PLCXD3: variants seen among roughly 807,000 people sequenced by gnomAD.
The protein encoded by PLCXD3 is PI-PLC X domain-containing protein 3.
Under a neutral mutation model 25.5 loss-of-function variants are expected in PLCXD3, and 19 were observed. That is an observed-to-expected ratio of 0.75 (90% confidence interval 0.52 to 1.09). The LOEUF (loss-of-function observed/expected upper bound fraction) is 1.09. Ranked by LOEUF, PLCXD3 falls within the 50% of genes least tolerant of loss-of-function variation. PLCXD3 has a pLI of 0.00. For missense variants in PLCXD3, 411 were observed against 388.1 expected, an observed-to-expected ratio of 1.06 and a Z score of -0.50; for synonymous variants, 174 against 137.6, an observed-to-expected ratio of 1.26 and a Z score of -1.85.
intron 1 of PLCXD3, among the ~76,000 whole-genome samples, chr5:41,439,950 AG>A (rs1747341024): frequency 6.6e-6 from 1 of 152,190 alleles, no homozygotes; most frequent in African/African-American, 2.4e-5. Context: ...GAAAAATAAT[AG>A]TAATGTGTTA....
intron 1 of PLCXD3, among the ~76,000 whole-genome samples, chr5:41,396,604 T>C (rs1269789352): frequency 1.3e-5 from 2 of 152,122 alleles, no homozygotes; most frequent in Non-Finnish European, 1.5e-5. Context: ...AACTGGGTAA[T>C]GGGCTGAGTT....
rs1743071623 is a variant in PLCXD3, at chr5:41,309,355, T to TA, written c.*4261dup. 6.5e-6 allele frequency: 1 copy of TA among 152,706 alleles called. No homozygotes were observed. The highest frequency in any genetic ancestry group is 1.9e-4 in the East Asian group (1 of 5,188). The allele number at this position is 152,706 out of a possible 1,614,324, so 9.5% of individuals were successfully genotyped here. The stretch of plus-strand genomic sequence containing the variant: ...GGAGCCACCAATAAGTTATGGCAGA[T>TA]ATAGCATTTACACCATAGTGTCACT... On this transcript the variant is annotated 3_prime_UTR_variant, in exon 3 of 3. Coordinates refer to ENST00000377801, the MANE Select transcript of PLCXD3 (RefSeq NM_001005473.3).
rs182360912 is a variant in PLCXD3, at chr5:41,382,345, C to A, written c.293G>T (p.Arg98Leu). ...LGAGIRYFDL[R>L]ISTKPRDPDN... ...GGGGTCTCTGGGCTTGGTGGAAATT[C>A]GAAGATCAAAATAACGAATTCCAGC... Residue 98 changes from arginine to leucine, a missense_variant, in exon 2 of 3, where the codon CGA (arginine) becomes CTA (leucine). Coordinates refer to ENST00000377801, the MANE Select transcript of PLCXD3 (RefSeq NM_001005473.3). 3 of 1,613,218 alleles carry A rather than the reference C, an allele frequency of 1.9e-6. No individual in the cohort carries two copies. The highest frequency in any genetic ancestry group is 2.5e-6 in the Non-Finnish European group (3 of 1,179,678).
At chr5:41,344,291 G>A (rs957075870) in intron 2 of PLCXD3, among the ~76,000 whole-genome samples, 2 of 152,056 alleles carry the variant, frequency 1.3e-5, no homozygotes, top group Non-Finnish European at 2.9e-5. Flanking sequence ...CCAGAAATGC[G>A]ACTTATTTTT....
chr5:41,381,177 T>C (rs1389393591), intron 2 of PLCXD3, among the ~76,000 whole-genome samples: 1 of 152,108 alleles, frequency 6.6e-6, no homozygotes, highest in African/African-American at 2.4e-5. Context: ...GAATTAGGGA[T>C]ATTAAAAGAC....
chr5:41,327,978 G>A (rs953872846), intron 2 of PLCXD3, among the ~76,000 whole-genome samples: 1 of 151,960 alleles, frequency 6.6e-6, no homozygotes, highest in Non-Finnish European at 1.5e-5. Context: ...GCAGATGCTG[G>A]ATTTATAGTG....
At position 41,456,483 on chromosome 5, in the gene PLCXD3, AAAAAT is replaced by A. The variant is rs1261700452; in HGVS notation, c.103+53936_103+53940del. On this transcript the variant is annotated intron_variant, in intron 1 of 2. Transcript: ENST00000377801. ...AGAAAAATATTTATAAGGATAAATGAAAAATAAAATATACATTTATGTTGAAAAAA... is the reference window on the plus strand; with the variant it reads ...AGAAAAATATTTATAAGGATAAATGAAAAATATACATTTATGTTGAAAAAA... The A allele has an allele frequency of 1.0e-4, 79 of 759,068 alleles. No homozygotes were observed. The South Asian group carries it at 1.6e-3, about 15-fold the overall frequency. 47.0% of individuals were successfully genotyped at this position (759,068 alleles called of 1,614,324 possible). A position where few individuals can be genotyped will look rare whatever the true frequency, so the allele number is the denominator to read the frequency against.
intron 1 of PLCXD3, among the ~76,000 whole-genome samples, chr5:41,481,702 GTGAAAGGAAC>G (rs1748418632): frequency 6.6e-6 from 1 of 152,224 alleles, no homozygotes; most frequent in Non-Finnish European, 1.5e-5. Context: ...AAAGAAAACT[GTGAAAGGAAC>G]TGAGCTGTGT....
At chr5:41,428,381 TG>T (rs61129452) in intron 1 of PLCXD3, among the ~76,000 whole-genome samples, 48,276 of 136,410 alleles carry the variant, frequency 0.35, 11,272 homozygotes, top group African/African-American at 0.59. Context: ...TGAGTTTTTT[TG>T]TTTTTGTTTT....
At chr5:41,345,238 A>C (rs1449878394) in intron 2 of PLCXD3, among the ~76,000 whole-genome samples, 1 of 152,198 alleles carries the variant, frequency 6.6e-6, no homozygotes, top group Non-Finnish European at 1.5e-5. Context: ...CTAACCAGAC[A>C]AGACAAAATA....
At chr5:41,328,035 A>T (rs1333535767) in intron 2 of PLCXD3, among the ~76,000 whole-genome samples, 1 of 152,092 alleles carries the variant, frequency 6.6e-6, no homozygotes, top group African/African-American at 2.4e-5. Flanking sequence ...CTACCAGGAG[A>T]ATCATTTCAA....
chr5:41,318,202 A>G (rs1397966292), intron 2 of PLCXD3, among the ~76,000 whole-genome samples: 3 of 152,172 alleles, frequency 2.0e-5, no homozygotes, highest in South Asian at 2.1e-4. Flanking sequence ...GAGTACTTCA[A>G]TCAAAAAGAA....
At chr5:41,486,309 C>T (rs1467101963) in intron 1 of PLCXD3, among the ~76,000 whole-genome samples, 1 of 152,010 alleles carries the variant, frequency 6.6e-6, no homozygotes, top group Admixed American at 6.6e-5. Flanking sequence ...TCTTGGTGGT[C>T]ATCGTCCCCC....
intron 2 of PLCXD3, among the ~76,000 whole-genome samples, chr5:41,353,352 C>A (rs1315266866): frequency 6.6e-6 from 1 of 151,928 alleles, no homozygotes; most frequent in African/African-American, 2.4e-5. Context: ...CTGCCCGCCT[C>A]GGCCTCCCAA....
At chr5:41,418,945 G>C (rs1375320595) in intron 1 of PLCXD3, among the ~76,000 whole-genome samples, 1 of 152,214 alleles carries the variant, frequency 6.6e-6, no homozygotes, top group African/African-American at 2.4e-5. Context: ...GAGTCAGAGA[G>C]AGGCCAAGGC....
chr5:41,421,195 A>T (rs893834219), intron 1 of PLCXD3, among the ~76,000 whole-genome samples: 1 of 152,224 alleles, frequency 6.6e-6, no homozygotes, highest in African/African-American at 2.4e-5. Context: ...AGTGTATTAA[A>T]TTCTCACTGA....
chr5:41,480,949 G>A (rs1748397319), intron 1 of PLCXD3, among the ~76,000 whole-genome samples: 1 of 151,884 alleles, frequency 6.6e-6, no homozygotes, highest in Non-Finnish European at 1.5e-5. Context: ...TTATAGCATA[G>A]TGGAAATATC....
intron 1 of PLCXD3, among the ~76,000 whole-genome samples, chr5:41,386,382 G>A (rs1369429564): frequency 6.6e-6 from 1 of 152,036 alleles, no homozygotes; most frequent in Non-Finnish European, 1.5e-5. Flanking sequence ...TGTAGAATGT[G>A]TGTAATCATT....
Position 41,454,377 on chromosome 5 carries a change from T to C in PLCXD3, c.103+56047A>G, listed in dbSNP as rs549491008. Among the ~76,000 whole-genome samples, 47 of 152,082 alleles carry C rather than the reference T, an allele frequency of 3.1e-4. 1 individual carries two copies. The highest frequency in any genetic ancestry group is 1.2e-3 in the South Asian group (6 of 4,820). ...AAGATCTAAGTGCTGGCAGATTTGG[T>C]ATTTGGTGAGGGCCTACTTTCTGGT... is the stretch of plus-strand genomic sequence containing the variant. On this transcript the variant is annotated intron_variant, in intron 1 of 2. Coordinates refer to ENST00000377801, the MANE Select transcript of PLCXD3 (RefSeq NM_001005473.3).
Sources: allele counts gnomAD v4.1 joint callset (sites outside exome capture counted in the v4.1 genomes callset), GRCh38; gene constraint gnomAD v4.1.1; transcripts MANE v1.5; gene names NCBI Gene and HGNC (gene_info 2026-07-23, HGNC 2026-07-21).